The following MYO1D variants were observed in gnomAD, a reference collection of about 807,000 sequenced individuals.
The protein encoded by MYO1D is myosin ID, also known as unconventional myosin-Id.
A neutral mutation model predicts 122.0 loss-of-function variants in MYO1D; 83 were observed. That is an observed-to-expected ratio of 0.68 (90% CI 0.57 to 0.82). MYO1D has a LOEUF of 0.82. Among genes scored for constraint, MYO1D ranks in the 40% least tolerant of loss-of-function variants. MYO1D has a pLI of 0.00. For missense variants in MYO1D, 1,157 were observed against 1,269.5 expected, an observed-to-expected ratio of 0.91 and a Z score of 1.35; for synonymous variants, 464 against 446.9, an observed-to-expected ratio of 1.04 and a Z score of -0.48.
chr17:32,530,937 C>T (rs1258178861), intron 21 of MYO1D, among the ~76,000 whole-genome samples: 1 of 151,694 alleles, frequency 6.6e-6, no homozygotes, highest in Non-Finnish European at 1.5e-5. Flanking sequence ...CTGCAACTCA[C>T]CATTGAGTAT....
At chr17:32,632,533 C>G (rs1464452831) in intron 20 of MYO1D, 1 of 145,554 alleles carries the variant, frequency 6.9e-6, no homozygotes, top group Non-Finnish European at 1.5e-5. Context: ...CATTTGACTT[C>G]ATGAGAAAGA....
intron 21 of MYO1D, among the ~76,000 whole-genome samples, chr17:32,524,729 A>AT (rs1430730504): frequency 6.6e-6 from 1 of 151,884 alleles, no homozygotes; most frequent in African/African-American, 2.4e-5. Context: ...TGCCTGGCTG[A>AT]TTTTTGTATT....
chr17:32,725,271 C>A (rs2089558458), intron 14 of MYO1D, among the ~76,000 whole-genome samples: 1 of 152,068 alleles, frequency 6.6e-6, no homozygotes, highest in Non-Finnish European at 1.5e-5. Context: ...GTAATCCCAG[C>A]CCTTTAGGAG....
Position 32,719,492 on chromosome 17 carries a change from A to G in MYO1D, c.1913+1531T>C, listed in dbSNP as rs1598037370. 2.6e-5 allele frequency among the ~76,000 whole-genome samples: 4 copies of G among 152,026 alleles called. No homozygotes were observed. The South Asian group carries it at 8.3e-4, about 32-fold the overall frequency. On this transcript the variant is annotated intron_variant, in intron 15 of 21. Coordinates refer to ENST00000318217, the MANE Select transcript of MYO1D (RefSeq NM_015194.3). ...AGCCTCCCCGAGTAGCTGGGACTAC[A>G]GGCGCCCGCCACCACGCCCGGCTAA...
chr17:32,852,453 G>T (rs1377396425), intron 1 of MYO1D, among the ~76,000 whole-genome samples: 1 of 152,136 alleles, frequency 6.6e-6, no homozygotes, highest in Non-Finnish European at 1.5e-5. Context: ...ATTTGTTTAT[G>T]TCTTGTAGCC....
chr17:32,807,526 T>C (rs2090526970), intron 1 of MYO1D, among the ~76,000 whole-genome samples: 1 of 152,194 alleles, frequency 6.6e-6, no homozygotes, highest in Admixed American at 6.5e-5. Flanking sequence ...TAGCAGTAAA[T>C]AGTAAAGCAG....
chr17:32,578,228 A>T (rs1220911854), intron 21 of MYO1D, among the ~76,000 whole-genome samples: 1 of 152,252 alleles, frequency 6.6e-6, no homozygotes, highest in Non-Finnish European at 1.5e-5. Flanking sequence ...TCTTTTATTC[A>T]ACCCACCAGA....
chr17:32,568,895 A>G (rs1597903074), intron 21 of MYO1D, among the ~76,000 whole-genome samples: 1 of 152,220 alleles, frequency 6.6e-6, no homozygotes, highest in South Asian at 2.1e-4. Flanking sequence ...GCTCCTATGC[A>G]TCTTGACTGG....
chr17:32,730,904 CTTTTTT>C (rs754771399), intron 14 of MYO1D, among the ~76,000 whole-genome samples: 4 of 108,798 alleles, frequency 3.7e-5, no homozygotes, highest in Non-Finnish European at 7.8e-5. Flanking sequence ...TTCCACGTGT[CTTTTTT>C]TTTTTTTTTT....
chr17:32,560,451 T>C (rs1225272654), intron 21 of MYO1D, among the ~76,000 whole-genome samples: 1 of 142,834 alleles, frequency 7.0e-6, no homozygotes, highest in Non-Finnish European at 1.5e-5. Context: ...ACAGTAGTAG[T>C]CCACAAAAGT....
At chr17:32,869,271 G>A (rs1423464413) in intron 1 of MYO1D, among the ~76,000 whole-genome samples, 1 of 152,010 alleles carries the variant, frequency 6.6e-6, no homozygotes, top group Non-Finnish European at 1.5e-5. Context: ...ACTGAAAGAA[G>A]CCTGCTTCCT....
intron 15 of MYO1D, among the ~76,000 whole-genome samples, chr17:32,716,373 G>C (rs1043921052): frequency 6.6e-6 from 1 of 152,076 alleles, no homozygotes; most frequent in Admixed American, 6.5e-5. Flanking sequence ...GGGTTTATCT[G>C]CTTAATGTCA....
chr17:32,659,868 A>C (rs2088536049), intron 16 of MYO1D, among the ~76,000 whole-genome samples: 1 of 152,206 alleles, frequency 6.6e-6, no homozygotes, highest in Non-Finnish European at 1.5e-5. Flanking sequence ...GTAAAGGGTA[A>C]ATCAGATTAC....
chr17:32,759,548 G>A (rs1407030461), intron 10 of MYO1D, among the ~76,000 whole-genome samples: 1 of 152,028 alleles, frequency 6.6e-6, no homozygotes, highest in Non-Finnish European at 1.5e-5. Context: ...TATTTTTCAA[G>A]TTTATTCTCA....
intron 4 of MYO1D, 105 bp from the exon 5 acceptor site, chr17:32,772,947 C>G (rs190516009): frequency 3.6e-6 from 3 of 830,424 alleles, no homozygotes; most frequent in Non-Finnish European, 6.2e-6. Flanking sequence ...CAAGCCTGCA[C>G]GTATACATCC....
intron 21 of MYO1D, among the ~76,000 whole-genome samples, chr17:32,511,237 T>G (rs1909686271): frequency 6.6e-6 from 1 of 151,602 alleles, no homozygotes; most frequent in Admixed American, 6.6e-5. Context: ...TTTTTTTTTT[T>G]GGAAACAGGG....
At chr17:32,739,751 T>G (rs1229626852) in intron 13 of MYO1D, among the ~76,000 whole-genome samples, 1 of 152,190 alleles carries the variant, frequency 6.6e-6, no homozygotes, top group Non-Finnish European at 1.5e-5. Flanking sequence ...ATATAAAATT[T>G]TAAAAATTGA....
intron 1 of MYO1D, among the ~76,000 whole-genome samples, chr17:32,786,818 A>C (rs959641283): frequency 6.6e-6 from 1 of 152,122 alleles, no homozygotes; most frequent in African/African-American, 2.4e-5. Flanking sequence ...AAACTCCGTC[A>C]AAAAAGAAAA....
chr17:32,807,442 T>C (rs1378948366), intron 1 of MYO1D, among the ~76,000 whole-genome samples: 1 of 152,212 alleles, frequency 6.6e-6, no homozygotes, highest in Non-Finnish European at 1.5e-5. Flanking sequence ...ATCTTGTCTG[T>C]ATGTGATATA....
Sources: allele counts gnomAD v4.1 joint callset (sites outside exome capture counted in the v4.1 genomes callset), GRCh38; gene constraint gnomAD v4.1.1; transcripts MANE v1.5; gene names NCBI Gene and HGNC (gene_info 2026-07-23, HGNC 2026-07-21).